Variants in SGTB observed in about 807,000 individuals in gnomAD.
SGTB encodes the protein small glutamine-rich tetratricopeptide repeat-containing protein beta.
SGTB carries 19 observed loss-of-function variants against 43.9 expected under a neutral mutation model. That is an observed-to-expected ratio of 0.43 (90% confidence interval 0.30 to 0.63). SGTB has a LOEUF of 0.63. SGTB is among the 30% of genes least tolerant of loss of function. The pLI is 0.12. For synonymous variants in SGTB, 116 were observed against 117.3 expected, an observed-to-expected ratio of 0.99 and a Z score of 0.07; for missense variants, 304 against 358.9, an observed-to-expected ratio of 0.85 and a Z score of 1.24.
intron 5 of SGTB, among the ~76,000 whole-genome samples, chr5:65,704,037 A>T (rs1033941360): frequency 3.3e-5 from 2 of 60,146 alleles, no homozygotes; most frequent in African/African-American, 1.5e-4. Context: ...CTCCGTCTCA[A>T]AAAAAAAAAA....
At chr5:65,717,876 A>C (rs10067229) in intron 2 of SGTB, among the ~76,000 whole-genome samples, 1 of 151,834 alleles carries the variant, frequency 6.6e-6, no homozygotes, top group African/African-American at 2.4e-5. Flanking sequence ...GTTGGGCACA[A>C]AGTAGGTGGA....
rs1375426884 is a variant in SGTB, at chr5:65,666,406, A to G, written c.*3840T>C. 1.3e-5 allele frequency: 2 copies of G among 152,194 alleles called. No individual in the cohort carries two copies. 9.4% of individuals were successfully genotyped at this position (152,194 alleles called of 1,614,324 possible). A position where few individuals can be genotyped will look rare whatever the true frequency, so the allele number is the denominator to read the frequency against. On this transcript the variant is annotated 3_prime_UTR_variant, in exon 11 of 11. Transcript: ENST00000381007. ...CATTAAATGAAAATGTCATTTGCAT[A>G]TATAGAACCTGTTCTGTTTTACACA...
At chr5:65,716,301 C>G (rs1758148861) in intron 2 of SGTB, among the ~76,000 whole-genome samples, 1 of 152,142 alleles carries the variant, frequency 6.6e-6, no homozygotes, top group Non-Finnish European at 1.5e-5. Flanking sequence ...CAATATGTCA[C>G]AGAAGTCAAA....
At chr5:65,720,968 T>C (rs947508454) in intron 1 of SGTB, 139 bp from the exon 2 acceptor site, 7 of 883,416 alleles carry the variant, frequency 7.9e-6, no homozygotes, top group Non-Finnish European at 1.1e-5. Context: ...CCTTTCATCT[T>C]TTCTCTTTGT....
rs141806694 is a variant in SGTB at position 65,701,442 on chromosome 5, T to G, written c.374+2837A>C. On this transcript the variant is annotated intron_variant, in intron 5 of 10. Coordinates refer to ENST00000381007, the MANE Select transcript of SGTB (RefSeq NM_019072.3). ...TCAAGTCTGTAAATGGGGAGAGCTT[T>G]AAGTCTAAAAGCACTGGAATAAAAT... Among the ~76,000 whole-genome samples, 217 of 152,174 alleles carry G rather than the reference T, an allele frequency of 1.4e-3. 1 individual carries two copies. The highest frequency in any genetic ancestry group is 4.5e-3 in the African/African-American group (186 of 41,514).
chr5:65,718,758 A>G (rs543796990), intron 2 of SGTB, among the ~76,000 whole-genome samples: 2 of 152,286 alleles, frequency 1.3e-5, no homozygotes, highest in African/African-American at 4.8e-5. Flanking sequence ...GTCAAAAACA[A>G]TTGGCACCCT....
At chr5:65,715,643 A>G (rs1758132473) in intron 2 of SGTB, among the ~76,000 whole-genome samples, 1 of 152,242 alleles carries the variant, frequency 6.6e-6, no homozygotes, top group Non-Finnish European at 1.5e-5. Flanking sequence ...AAGATCCCTA[A>G]CCTCTTGGGA....
chr5:65,679,684 AG>A (rs200942828), intron 8 of SGTB, among the ~76,000 whole-genome samples: 3,462 of 152,286 alleles, frequency 0.023, 125 homozygotes, highest in African/African-American at 0.079. Flanking sequence ...GAAGTTGTGG[AG>A]AAAAAGGAAT....
intron 2 of SGTB, among the ~76,000 whole-genome samples, chr5:65,713,837 G>C (rs1434939993): frequency 6.6e-6 from 1 of 152,086 alleles, no homozygotes; most frequent in Non-Finnish European, 1.5e-5. Context: ...AGGCCAGCCT[G>C]GGTAACATGG....
At chr5:65,673,382 A>C (rs1757196296) in intron 8 of SGTB, among the ~76,000 whole-genome samples, 1 of 152,240 alleles carries the variant, frequency 6.6e-6, no homozygotes, top group Admixed American at 6.5e-5. Context: ...GTTAGGAACC[A>C]GGCTGCACAG....
chr5:65,679,424 C>A (rs534713382), intron 8 of SGTB, among the ~76,000 whole-genome samples: 1 of 152,222 alleles, frequency 6.6e-6, no homozygotes, highest in African/African-American at 2.4e-5. Flanking sequence ...TTTGACTAGC[C>A]TGGTCAGCAT....
At chr5:65,673,192 C>T (rs962837438) in intron 8 of SGTB, among the ~76,000 whole-genome samples, 1 of 152,178 alleles carries the variant, frequency 6.6e-6, no homozygotes, top group Non-Finnish European at 1.5e-5. Context: ...ATAAAATGAC[C>T]TCCAGTTCAG....
intron 4 of SGTB, among the ~76,000 whole-genome samples, chr5:65,705,499 T>C (rs577650652): frequency 2.6e-5 from 4 of 151,854 alleles, no homozygotes; most frequent in Non-Finnish European, 5.9e-5. Flanking sequence ...CAATGGAGAT[T>C]AGGAGGAATG....
At chr5:65,703,969 C>T (rs1256612722) in intron 5 of SGTB, among the ~76,000 whole-genome samples, 1 of 147,824 alleles carries the variant, frequency 6.8e-6, no homozygotes, top group East Asian at 2.0e-4. Context: ...ACCCGGGAAG[C>T]GGAGCTTGCA....
intron 5 of SGTB, among the ~76,000 whole-genome samples, chr5:65,688,211 T>C (rs762331101): frequency 2.0e-5 from 3 of 152,118 alleles, no homozygotes; most frequent in Non-Finnish European, 2.9e-5. Flanking sequence ...GCAGAGCCAC[T>C]GGAAGAAAAA....
rs558134668 is a variant in SGTB at position 65,669,457 on chromosome 5, A to T, written c.*789T>A. 5.7e-3 allele frequency: 872 copies of T among 152,346 alleles called. 6 individuals are homozygous for T. Among genetic ancestry groups the T allele is most frequent in the African/African-American group, 0.02 (838 of 41,568 alleles). 9.4% of individuals were successfully genotyped at this position (152,346 alleles called of 1,614,324 possible). ...AAACAGTTGTACCACTGACCTAACC[A>T]GTACATTAAGGATTTCTAAATGTAT... On this transcript the variant is annotated 3_prime_UTR_variant, in exon 11 of 11. Coordinates refer to ENST00000381007, the MANE Select transcript of SGTB (RefSeq NM_019072.3).
In SGTB at chr5:65,685,427, C is replaced by T; in HGVS notation, c.420G>A (p.Lys140=). 1.2e-6 allele frequency: 2 copies of T among 1,614,126 alleles called. No individual in the cohort carries two copies. The highest frequency in any genetic ancestry group is 1.7e-6 in the Non-Finnish European group (2 of 1,180,014). ...SKLGHYTDAI[K]DCEKAIAIDS... The stretch of plus-strand genomic sequence containing the variant: ...CAATTGCTATTGCTTTTTCACAATC[C>T]TTTATCGCATCTGTGTAGTGACCTA... The change falls in exon 6 of 11, where the codon AAG becomes AAA. Residue 140 remains lysine, a synonymous_variant. Coordinates refer to ENST00000381007, the MANE Select transcript of SGTB (RefSeq NM_019072.3).
chr5:65,676,960 G>T (rs1047593137), intron 8 of SGTB, among the ~76,000 whole-genome samples: 1 of 144,690 alleles, frequency 6.9e-6, no homozygotes, highest in South Asian at 2.2e-4. Context: ...CAGAAGACAA[G>T]AAATAACCAA....
At chr5:65,705,377 CA>C (rs1271222573) in intron 4 of SGTB, among the ~76,000 whole-genome samples, 4 of 152,048 alleles carry the variant, frequency 2.6e-5, no homozygotes, top group Non-Finnish European at 5.9e-5. Context: ...CACATAAACT[CA>C]GGAGGTTGAA....
Sources: allele counts gnomAD v4.1 joint callset (sites outside exome capture counted in the v4.1 genomes callset), GRCh38; gene constraint gnomAD v4.1.1; transcripts MANE v1.5; gene names NCBI Gene and HGNC (gene_info 2026-07-23, HGNC 2026-07-21).